The following CMSS1 variants were observed in gnomAD, a reference collection of about 807,000 sequenced individuals.
The protein encoded by CMSS1 is cms1 ribosomal small subunit homolog.
A neutral mutation model predicts 43.5 loss-of-function variants in CMSS1; 33 were observed. The observed-to-expected ratio is 0.76, with a 90% CI of 0.57 to 1.01. CMSS1 has a LOEUF of 1.01. CMSS1 is among the 50% of genes least tolerant of loss of function. CMSS1 has a pLI of 0.00. For missense variants in CMSS1, 313 were observed against 326.4 expected (o/e 0.96, Z 0.32); for synonymous variants, 115 against 117.2 (o/e 0.98, Z 0.12).
chr3:100,103,776 T>G (rs914427136), intron 1 of CMSS1, among the ~76,000 whole-genome samples: 3 of 152,206 alleles, frequency 2.0e-5, no homozygotes, highest in Non-Finnish European at 4.4e-5. Context: ...ATAAACATGT[T>G]TGTTCAAATA....
At position 99,848,564 on chromosome 3, in the gene CMSS1, G is replaced by A. The variant is rs200133385; in HGVS notation, c.64+30521G>A. The A allele has an allele frequency of 4.5e-5, 72 of 1,613,998 alleles. No homozygotes were observed. The highest frequency in any genetic ancestry group is 6.7e-5 in the East Asian group (3 of 44,894). ...CGCTGAAACTGCCATGATGACTGCC[G>A]GTCTGGGGAGACTCTGAATATCGCA... On this transcript the variant is annotated intron_variant, in intron 1 of 9. Transcript: ENST00000421999.
At chr3:100,074,110 T>G (rs1284063432) in intron 1 of CMSS1, among the ~76,000 whole-genome samples, 2 of 152,176 alleles carry the variant, frequency 1.3e-5, no homozygotes, top group Admixed American at 1.3e-4. Context: ...ATGAGGCAGA[T>G]CTTGTTTATG....
Position 99,837,041 on chromosome 3 carries a change from T to G in CMSS1, c.64+18998T>G, listed in dbSNP as rs544121687. Among the ~76,000 whole-genome samples, 469 of 152,338 alleles carry G rather than the reference T, an allele frequency of 3.1e-3. 1 individual carries two copies. The highest frequency in any genetic ancestry group is 5.0e-3 in the Non-Finnish European group (341 of 68,024). On this transcript the variant is annotated intron_variant, in intron 1 of 9. Coordinates refer to ENST00000421999, the MANE Select transcript of CMSS1 (RefSeq NM_032359.4). The stretch of plus-strand genomic sequence containing the variant: ...AAATAGTAATAATCGTCCATTGTTC[T>G]CCCTAGTCTTCTCATTGTCCTTAGA...
chr3:99,986,939 A>C (rs1709358716), intron 1 of CMSS1, among the ~76,000 whole-genome samples: 1 of 152,176 alleles, frequency 6.6e-6, no homozygotes, highest in South Asian at 2.1e-4. Flanking sequence ...TATACAAAGA[A>C]ATATTTAGGC....
At chr3:99,905,509 T>A (rs866682082) in intron 1 of CMSS1, among the ~76,000 whole-genome samples, 2 of 152,250 alleles carry the variant, frequency 1.3e-5, no homozygotes, top group Admixed American at 6.5e-5. Context: ...TTACATCTTA[T>A]AGCATAATCA....
intron 1 of CMSS1, among the ~76,000 whole-genome samples, chr3:99,883,142 T>G (rs899292450): frequency 6.6e-6 from 1 of 152,204 alleles, no homozygotes; most frequent in African/African-American, 2.4e-5. Flanking sequence ...CTCTCAAAAC[T>G]TCAGTGTTTT....
rs9883757 is a variant in CMSS1, at chr3:100,084,743, G to A, written c.65-62230G>A. Among the ~76,000 whole-genome samples, 827 of 152,212 alleles carry A rather than the reference G, an allele frequency of 5.4e-3. 6 individuals carry two copies. Among genetic ancestry groups the A allele is most frequent in the African/African-American group, 0.018 (727 of 41,538 alleles). Reference sequence around the variant, plus strand: ...CACTTTTTCCACTTATTTGTGTTCCGAAAACTGAATATTTATAAATCAAAT... The same window carrying A: ...CACTTTTTCCACTTATTTGTGTTCCAAAAACTGAATATTTATAAATCAAAT... On this transcript the variant is annotated intron_variant, in intron 1 of 9. Coordinates refer to ENST00000421999, the MANE Select transcript of CMSS1 (RefSeq NM_032359.4).
chr3:100,037,265 A>G (rs2065123284), intron 1 of CMSS1, among the ~76,000 whole-genome samples: 1 of 152,152 alleles, frequency 6.6e-6, no homozygotes, highest in African/African-American at 2.4e-5. Context: ...GATGTCTGCA[A>G]CTTACTCAGA....
intron 1 of CMSS1, among the ~76,000 whole-genome samples, chr3:100,096,294 A>T (rs1435336800): frequency 1.3e-5 from 1 of 76,394 alleles, no homozygotes; most frequent in Non-Finnish European, 2.9e-5. Flanking sequence ...CAGTATAGCA[A>T]AGAGAGATCT....
chr3:100,009,113 G>T (rs1710069980), intron 1 of CMSS1, among the ~76,000 whole-genome samples: 1 of 152,118 alleles, frequency 6.6e-6, no homozygotes, highest in African/African-American at 2.4e-5. Flanking sequence ...TTAAATATTA[G>T]AATATTCCCG....
intron 1 of CMSS1, among the ~76,000 whole-genome samples, chr3:100,094,864 T>G (rs971713624): frequency 1.3e-5 from 2 of 151,910 alleles, no homozygotes; most frequent in African/African-American, 4.8e-5. Context: ...GTGTGTGTGT[T>G]TTTTTAGTAG....
At chr3:100,013,436 G>T (rs1710226393) in intron 1 of CMSS1, among the ~76,000 whole-genome samples, 1 of 151,302 alleles carries the variant, frequency 6.6e-6, no homozygotes, top group South Asian at 2.1e-4. Flanking sequence ...TAGAGACCGG[G>T]TTTCCCCATG....
chr3:99,851,561 C>T (rs576718423), intron 1 of CMSS1, among the ~76,000 whole-genome samples: 10 of 152,236 alleles, frequency 6.6e-5, no homozygotes, highest in Middle Eastern at 3.4e-3. Context: ...AAATTAAATG[C>T]GGTAATTCAT....
intron 1 of CMSS1, among the ~76,000 whole-genome samples, chr3:99,879,592 AG>A (rs1705651785): frequency 6.6e-6 from 1 of 152,182 alleles, no homozygotes; most frequent in Non-Finnish European, 1.5e-5. Context: ...TAAGTGCCAA[AG>A]AAGCAGTAAT....
At chr3:99,969,569 C>A (rs917847104) in intron 1 of CMSS1, among the ~76,000 whole-genome samples, 1 of 152,132 alleles carries the variant, frequency 6.6e-6, no homozygotes, top group Non-Finnish European at 1.5e-5. Context: ...GCTATCCCAA[C>A]TGGGTAAAGC....
chr3:99,927,848 G>T (rs1021098546), intron 1 of CMSS1, among the ~76,000 whole-genome samples: 1 of 152,046 alleles, frequency 6.6e-6, no homozygotes, highest in Non-Finnish European at 1.5e-5. Flanking sequence ...CCTAGCCCCA[G>T]CCCCAAGCAT....
intron 1 of CMSS1, among the ~76,000 whole-genome samples, chr3:100,081,918 C>T (rs896969773): frequency 2.6e-5 from 4 of 152,114 alleles, no homozygotes; most frequent in African/African-American, 9.7e-5. Context: ...TGTCTCCAGA[C>T]ACTGTCAGAT....
intron 1 of CMSS1, among the ~76,000 whole-genome samples, chr3:100,069,893 C>G (rs534132575): frequency 5.3e-5 from 8 of 152,092 alleles, no homozygotes; most frequent in African/African-American, 1.9e-4. Context: ...CTATCCAGTT[C>G]ATTTTGTTGG....
Position 99,819,385 on chromosome 3 carries a change from C to T in CMSS1, c.64+1342C>T, listed in dbSNP as rs555167014. Among the ~76,000 whole-genome samples the T allele has an allele frequency of 2.6e-5, 4 of 152,328 alleles. 1 individual carries two copies. Among genetic ancestry groups the T allele is most frequent in the African/African-American group, 9.6e-5 (4 of 41,570 alleles). On this transcript the variant is annotated intron_variant, in intron 1 of 9. Coordinates refer to ENST00000421999, the MANE Select transcript of CMSS1 (RefSeq NM_032359.4). ...GTGAAGGGGATCCCAATTCTTGGTT[C>T]TAGTCCTCACTAGCTGTGTGACTTT...
Sources: allele counts gnomAD v4.1 joint callset (sites outside exome capture counted in the v4.1 genomes callset), GRCh38; gene constraint gnomAD v4.1.1; transcripts MANE v1.5; gene names NCBI Gene and HGNC (gene_info 2026-07-23, HGNC 2026-07-21).